Variants in DDX31 observed in about 807,000 individuals in gnomAD.
DDX31 encodes DEAD-box helicase 31.
In DDX31, 70 loss-of-function variants were observed where a neutral mutation model predicts 91.3. The ratio of observed to expected loss-of-function variants is 0.77; its 90% CI spans 0.63 to 0.94. The LOEUF (loss-of-function observed/expected upper bound fraction) is 0.94, where lower values mean the gene tolerates loss of function less well. Ranked by LOEUF, DDX31 falls within the 40% of genes least tolerant of loss-of-function variation. The pLI is 0.00. For synonymous variants in DDX31, 362 were observed against 350.6 expected (o/e 1.03, Z -0.36); for missense variants, 902 against 925.0 (o/e 0.98, Z 0.32).
intron 14 of DDX31, among the ~76,000 whole-genome samples, chr9:132,638,559 T>A (rs578042765): frequency 2.0e-5 from 3 of 152,338 alleles, no homozygotes; most frequent in Non-Finnish European, 4.4e-5. Flanking sequence ...TGTGAATGTG[T>A]GAGGACTCCT....
chr9:132,601,859 C>T (rs972471497), intron 19 of DDX31, among the ~76,000 whole-genome samples: 1 of 152,214 alleles, frequency 6.6e-6, no homozygotes, highest in African/African-American at 2.4e-5. Context: ...ACTTATTTCT[C>T]TAAGTCCCAC....
intron 16 of DDX31, among the ~76,000 whole-genome samples, chr9:132,627,562 T>C (rs554699939): frequency 7.9e-5 from 12 of 152,316 alleles, no homozygotes; most frequent in African/African-American, 2.9e-4. Context: ...TGATGAAGCA[T>C]TTACATTTTA....
chr9:132,669,460 G>A, intron 1 of DDX31: 1 of 628,940 alleles, frequency 1.6e-6, no homozygotes, highest in Non-Finnish European at 2.4e-6. Flanking sequence ...AGACAGGAAT[G>A]TGGGCAAGAT....
chr9:132,625,025 C>CCA (rs1310245484), intron 17 of DDX31, among the ~76,000 whole-genome samples: 1 of 152,082 alleles, frequency 6.6e-6, no homozygotes, highest in Non-Finnish European at 1.5e-5. Flanking sequence ...AACACTGCAC[C>CCA]CACACACGGG....
chr9:132,616,843 G>A (rs1187251725), intron 18 of DDX31, among the ~76,000 whole-genome samples: 1 of 152,196 alleles, frequency 6.6e-6, no homozygotes, highest in Non-Finnish European at 1.5e-5. Flanking sequence ...TACCTTGTGT[G>A]GTTCTGATTT....
intron 1 of DDX31, 52 bp downstream of exon 1, chr9:132,669,808 C>G: frequency 6.5e-7 from 1 of 1,527,098 alleles, no homozygotes; most frequent in Non-Finnish European, 8.8e-7. Flanking sequence ...TCGCGGCGCG[C>G]CCACAGCCGG....
At chr9:132,612,434 A>G (rs1831403490) in intron 18 of DDX31, 179 bp from the exon 19 acceptor site, 1 of 663,328 alleles carries the variant, frequency 1.5e-6, no homozygotes. Flanking sequence ...TTCAATTCCT[A>G]AACAACAAAA....
chr9:132,594,863 A>T lies in DDX31; in HGVS notation c.*3T>A, dbSNP rs1377917580. 1 of 1,612,302 alleles carries T rather than the reference A, an allele frequency of 6.2e-7. No individual in the cohort carries two copies. Among genetic ancestry groups the T allele is most frequent in the Non-Finnish European group, 8.5e-7 (1 of 1,179,374 alleles). Reference sequence around the variant, plus strand: ...AGGTTCCACTCGAAGACCCAGAGAGATTTTAAACTTTCTGGGAAGTCTTGC... The same window carrying T: ...AGGTTCCACTCGAAGACCCAGAGAGTTTTTAAACTTTCTGGGAAGTCTTGC... On this transcript the variant is annotated 3_prime_UTR_variant, in exon 20 of 20. Transcript: ENST00000372159.
chr9:132,617,249 C>T (rs939836421), intron 18 of DDX31, among the ~76,000 whole-genome samples: 1 of 152,146 alleles, frequency 6.6e-6, no homozygotes, highest in Non-Finnish European at 1.5e-5. Context: ...TCAAGTATCA[C>T]CTACACAATG....
At chr9:132,658,190 G>C in intron 6 of DDX31, 1 of 671,516 alleles carries the variant, frequency 1.5e-6, no homozygotes. Context: ...ACAGGAGCCA[G>C]GAATTAACCT....
At chr9:132,622,412 C>CA (rs960166657) in intron 17 of DDX31, among the ~76,000 whole-genome samples, 53 of 146,100 alleles carry the variant, frequency 3.6e-4, no homozygotes, top group South Asian at 6.8e-4. Context: ...CAGATGCTAC[C>CA]AAAAAAAAAC....
intron 17 of DDX31, among the ~76,000 whole-genome samples, chr9:132,620,376 T>G (rs1395770810): frequency 6.6e-6 from 1 of 151,614 alleles, no homozygotes; most frequent in African/African-American, 2.4e-5. Flanking sequence ...GCTTTTCTTA[T>G]TCCCCCCTTT....
rs887013616 is a variant in DDX31, at chr9:132,593,162, G to A, written c.*1704C>T. 1 of 152,196 alleles carries A rather than the reference G, an allele frequency of 6.6e-6. No individual in the cohort carries two copies. Among genetic ancestry groups the A allele is most frequent in the Non-Finnish European group, 1.5e-5 (1 of 68,036 alleles). The allele number at this position is 152,196 out of a possible 1,614,324, so 9.4% of individuals were successfully genotyped here. On this transcript the variant is annotated 3_prime_UTR_variant, in exon 20 of 20. Coordinates refer to ENST00000372159, the MANE Select transcript of DDX31 (RefSeq NM_022779.9). Reference sequence around the variant, plus strand: ...GAAACCCTCACCATAAGAGTTAGCAGATTAAGTGTGTAAGTTTTGATCTTG... The same window carrying A: ...GAAACCCTCACCATAAGAGTTAGCAAATTAAGTGTGTAAGTTTTGATCTTG...
intron 17 of DDX31, among the ~76,000 whole-genome samples, chr9:132,621,334 A>G (rs1008935361): frequency 2.0e-5 from 3 of 152,160 alleles, no homozygotes; most frequent in Non-Finnish European, 4.4e-5. Context: ...GCTGAGTTTT[A>G]CCCCCATGGT....
At chr9:132,663,200 A>G in intron 1 of DDX31, 1 of 1,289,422 alleles carries the variant, frequency 7.8e-7, no homozygotes, top group African/African-American at 1.5e-5. Context: ...GCCCGTGCCC[A>G]GGAAGCGGAA....
At position 132,648,405 on chromosome 9, in the gene DDX31, C is replaced by G. The variant is rs572455270; in HGVS notation, c.860+27G>C. 137 of 1,611,424 alleles carry G rather than the reference C, an allele frequency of 8.5e-5. 3 individuals are homozygous for G. The South Asian group carries it at 1.4e-3, about 16-fold the overall frequency. On this transcript the variant is annotated intron_variant, in intron 10 of 19. Coordinates refer to ENST00000372159, the MANE Select transcript of DDX31 (RefSeq NM_022779.9). ...AGGAGAAACAGCCCTTCTCTTCTAC[C>G]TGTTATCATCCTGGGACGAGGCTCA...
intron 6 of DDX31, among the ~76,000 whole-genome samples, chr9:132,654,823 G>T (rs1165686460): frequency 6.6e-6 from 1 of 151,206 alleles, no homozygotes; most frequent in Non-Finnish European, 1.5e-5. Flanking sequence ...GTAGGCATCT[G>T]TAATCCCAGC....
At chr9:132,652,343 G>T in intron 7 of DDX31, 105 bp downstream of exon 7, 1 of 1,346,776 alleles carries the variant, frequency 7.4e-7, no homozygotes. Context: ...CTGGTGTGCA[G>T]TGGCTTGTGC....
intron 14 of DDX31, among the ~76,000 whole-genome samples, chr9:132,637,178 C>T (rs535584929): frequency 6.6e-6 from 1 of 152,240 alleles, no homozygotes; most frequent in African/African-American, 2.4e-5. Flanking sequence ...CCCAGGGAAA[C>T]AGCAGAGGCT....
Sources: allele counts gnomAD v4.1 joint callset (sites outside exome capture counted in the v4.1 genomes callset), GRCh38; gene constraint gnomAD v4.1.1; transcripts MANE v1.5; gene names NCBI Gene and HGNC (gene_info 2026-07-23, HGNC 2026-07-21).